Variants in CAGE1 observed in about 807,000 individuals in gnomAD.
CAGE1 encodes cancer antigen 1, also known as cancer-associated gene 1 protein.
In CAGE1, 66 loss-of-function variants were observed where a neutral mutation model predicts 94.9. That is an observed-to-expected ratio of 0.70 (90% CI 0.57 to 0.85). The LOEUF (loss-of-function observed/expected upper bound fraction) is 0.85, where lower values mean the gene tolerates loss of function less well. Among genes scored for constraint, CAGE1 ranks in the 40% least tolerant of loss-of-function variants. The pLI, the probability that CAGE1 is intolerant of heterozygous loss-of-function variation, is 0.00. For missense variants in CAGE1, 865 were observed against 950.4 expected, an observed-to-expected ratio of 0.91 and a Z score of 1.18; for synonymous variants, 319 against 321.0, an observed-to-expected ratio of 0.99 and a Z score of 0.07.
Position 7,378,601 on chromosome 6 carries a change from T to C in CAGE1, c.687+16A>G. 6.5e-7 allele frequency: 1 copy of C among 1,546,440 alleles called. No homozygotes were observed. The highest frequency in any genetic ancestry group is 8.7e-7 in the Non-Finnish European group (1 of 1,152,788). On this transcript the variant is annotated intron_variant, in intron 4 of 13. Coordinates refer to ENST00000502583, the MANE Select transcript of CAGE1 (RefSeq NM_001170692.2). Reference sequence around the variant, plus strand: ...TCTTTATCAAATGGTTTTACAATATTATTGTGTACACTTTCCTTACATAAG... The same window carrying C: ...TCTTTATCAAATGGTTTTACAATATCATTGTGTACACTTTCCTTACATAAG...
At chr6:7,386,388 T>C (rs1761121886) in intron 2 of CAGE1, among the ~76,000 whole-genome samples, 1 of 152,184 alleles carries the variant, frequency 6.6e-6, no homozygotes, top group Non-Finnish European at 1.5e-5. Flanking sequence ...TAAAGGGAGC[T>C]AGGCATTTTC....
chr6:7,339,030 C>T lies in CAGE1; in HGVS notation c.2370-4940G>A, dbSNP rs1759071132. 6.2e-7 allele frequency: 1 copy of T among 1,607,880 alleles called. No individual in the cohort carries two copies. Among genetic ancestry groups the T allele is most frequent in the Admixed American group, 1.7e-5 (1 of 59,770 alleles). ...GATCTTCACCTTGATGCCCAGCACACTCTGTCTGAGCAACACATGGCGCAC... is the reference window on the plus strand; with the variant it reads ...GATCTTCACCTTGATGCCCAGCACATTCTGTCTGAGCAACACATGGCGCAC... On this transcript the variant is annotated intron_variant, in intron 11 of 13. Transcript: ENST00000502583. This position sits in a 1 kb window ranked among gnomAD's most constrained non-coding sequence, Gnocchi z 4.7.
chr6:7,341,618 G>T, intron 11 of CAGE1: 1 of 799,946 alleles, frequency 1.3e-6, no homozygotes, highest in Non-Finnish European at 2.2e-6. Context: ...AGGTGGAACA[G>T]ATGGGTGTTT....
intron 11 of CAGE1, among the ~76,000 whole-genome samples, chr6:7,345,375 A>G (rs897768721): frequency 2.6e-4 from 40 of 152,234 alleles, no homozygotes; most frequent in African/African-American, 9.1e-4. Flanking sequence ...GAACATCAGA[A>G]GGAACAAACG....
intron 11 of CAGE1, among the ~76,000 whole-genome samples, chr6:7,348,602 AG>A (rs34931587): frequency 0.091 from 13,908 of 152,218 alleles, 1,457 homozygotes; most frequent in African/African-American, 0.26. Flanking sequence ...TCAGGAGGTT[AG>A]TTATTAAGCT....
Position 7,373,969 on chromosome 6 carries a change from A to G in CAGE1, c.850T>C (p.Cys284Arg). The change falls in exon 5 of 14, where the codon TGT becomes CGT. Residue 284 changes from cysteine (C) to arginine (R), a missense_variant. By Grantham distance (180) the Cys-to-Arg change is radical. Coordinates refer to ENST00000502583, the MANE Select transcript of CAGE1 (RefSeq NM_001170692.2). ...CTTTGCTCCCAGTCAGGCATCTCAC[A>G]GTTCTCCCGACATGCTTCACTCCTC... Reference protein sequence around the residue: ...SWRSEACRENCEMPDWEQSAE... With the variant: ...SWRSEACRENREMPDWEQSAE... 6.2e-7 allele frequency: 1 copy of G among 1,614,024 alleles called. No individual in the cohort carries two copies. Among genetic ancestry groups the G allele is most frequent in the East Asian group, 2.2e-5 (1 of 44,884 alleles).
chr6:7,375,676 A>G (rs1041732758), intron 4 of CAGE1, among the ~76,000 whole-genome samples: 2 of 152,190 alleles, frequency 1.3e-5, no homozygotes, highest in African/African-American at 4.8e-5. Flanking sequence ...CCATGATCAC[A>G]CTGCTCTCCA....
intron 11 of CAGE1, chr6:7,338,980 T>C: frequency 6.2e-7 from 1 of 1,609,414 alleles, no homozygotes; most frequent in South Asian, 1.1e-5. Flanking sequence ...GGGCCAATCT[T>C]ACCAGTTGGG....
chr6:7,339,254 CAG>C lies in CAGE1; in HGVS notation c.2370-5166_2370-5165del. 1 of 1,583,628 alleles carries C rather than the reference CAG, an allele frequency of 6.3e-7. No individual in the cohort carries two copies. Among genetic ancestry groups the C allele is most frequent in the South Asian group, 1.1e-5 (1 of 90,412 alleles). ...CAAGCCCTCCTAGGAGTTTGTAAGG[CAG>C]AGACTCTGCCTGGGCAATGGCACAC... On this transcript the variant is annotated intron_variant, in intron 11 of 13. Coordinates refer to ENST00000502583, the MANE Select transcript of CAGE1 (RefSeq NM_001170692.2). This position sits in a 1 kb window ranked among gnomAD's most constrained non-coding sequence, Gnocchi z 4.7.
chr6:7,339,592 G>A lies in CAGE1; in HGVS notation c.2370-5502C>T. 1 of 728,572 alleles carries A rather than the reference G, an allele frequency of 1.4e-6. No individual in the cohort carries two copies. The highest frequency in any genetic ancestry group is 2.5e-6 in the Non-Finnish European group (1 of 396,124). The allele number at this position is 728,572 out of a possible 1,614,324, so 45.1% of individuals were successfully genotyped here. A position where few individuals can be genotyped will look rare whatever the true frequency, so the allele number is the denominator to read the frequency against. ...ATCTTGCCGCCATGCTCCGCTGAAAGGAAAGGCACTGTATCATTCTTATGC... is the reference window on the plus strand; with the variant it reads ...ATCTTGCCGCCATGCTCCGCTGAAAAGAAAGGCACTGTATCATTCTTATGC... On this transcript the variant is annotated intron_variant, in intron 11 of 13. Coordinates refer to ENST00000502583, the MANE Select transcript of CAGE1 (RefSeq NM_001170692.2). This position sits in a 1 kb window ranked among gnomAD's most constrained non-coding sequence, Gnocchi z 4.7.
intron 11 of CAGE1, among the ~76,000 whole-genome samples, chr6:7,345,575 CAAT>C (rs1355266549): frequency 6.6e-6 from 1 of 152,164 alleles, no homozygotes; most frequent in East Asian, 1.9e-4. Flanking sequence ...TTTAGAAAAA[CAAT>C]GTCACTAATA....
At chr6:7,378,096 T>G (rs1161591795) in intron 4 of CAGE1, among the ~76,000 whole-genome samples, 1 of 152,244 alleles carries the variant, frequency 6.6e-6, no homozygotes, top group Admixed American at 6.5e-5. Flanking sequence ...CCAGCCATTT[T>G]GATTCAACAA....
chr6:7,341,746 T>G, intron 11 of CAGE1: 1 of 691,332 alleles, frequency 1.4e-6, no homozygotes, highest in Non-Finnish European at 2.8e-6. Flanking sequence ...CTCGCTTGGA[T>G]CACACAGAAC....
Position 7,369,971 on chromosome 6 carries a change from G to T in CAGE1, c.1841C>A (p.Ala614Asp). 1 of 1,613,728 alleles carries T rather than the reference G, an allele frequency of 6.2e-7. No homozygotes were observed. The highest frequency in any genetic ancestry group is 1.7e-5 in the Admixed American group (1 of 59,996). Reference protein sequence around the residue: ...PADIKRASQLASKMHSLLALM... With the variant: ...PADIKRASQLDSKMHSLLALM... ...AGCCAGAAGACTGTGCATTTTGGAGGCCAGCTGAGAAGCTCTTTTTATATC... is the reference window on the plus strand; with the variant it reads ...AGCCAGAAGACTGTGCATTTTGGAGTCCAGCTGAGAAGCTCTTTTTATATC... Residue 614 changes from alanine to aspartate, a missense_variant, in exon 6 of 14, where the codon GCC becomes GAC. Transcript: ENST00000502583.
At chr6:7,369,839 C>T in intron 6 of CAGE1, 80 bp downstream of exon 6, 2 of 1,322,664 alleles carry the variant, frequency 1.5e-6, no homozygotes, top group East Asian at 2.6e-5. Flanking sequence ...CAACTTAATT[C>T]CTTTTATTGC....
At chr6:7,354,155 T>C (rs2113406909) in intron 11 of CAGE1, among the ~76,000 whole-genome samples, 1 of 151,868 alleles carries the variant, frequency 6.6e-6, no homozygotes, top group East Asian at 1.9e-4. Flanking sequence ...AGCAAAATGA[T>C]AGTTTGATAT....
chr6:7,359,511 G>T (rs1324891673), intron 9 of CAGE1, among the ~76,000 whole-genome samples: 1 of 152,222 alleles, frequency 6.6e-6, no homozygotes, highest in Non-Finnish European at 1.5e-5. Flanking sequence ...AAGGGCAGGG[G>T]TGAGTTAGGC....
chr6:7,381,606 G>A (rs1185762898), intron 3 of CAGE1, among the ~76,000 whole-genome samples: 3 of 148,448 alleles, frequency 2.0e-5, no homozygotes, highest in Non-Finnish European at 3.0e-5. Context: ...TCGGCTCATT[G>A]CAACCTCCAC....
At position 7,358,027 on chromosome 6, in the gene CAGE1, G is replaced by GATATATATATATATATAT. The variant is rs55850429; in HGVS notation, c.2194-1916_2194-1899dup. ...CAGACTGCGGTTAGGTAAGTTTTGA[G>GATATATATATATATATAT]ATATATATATATATATATATATATA... On this transcript the variant is annotated intron_variant, in intron 9 of 13. Transcript: ENST00000502583. Among the ~76,000 whole-genome samples the GATATATATATATATATAT allele has an allele frequency of 1.3e-3, 61 of 48,034 alleles. 4 individuals carry two copies. The highest frequency in any genetic ancestry group is 2.2e-3 in the East Asian group (2 of 900). 31.5% of individuals were successfully genotyped at this position (48,034 alleles called of 152,430 possible).
Sources: allele counts gnomAD v4.1 joint callset (sites outside exome capture counted in the v4.1 genomes callset), GRCh38; gene constraint gnomAD v4.1.1; non-coding constraint Gnocchi (gnomAD v3.1); transcripts MANE v1.5; gene names NCBI Gene and HGNC (gene_info 2026-07-23, HGNC 2026-07-21).